The following ERCC2 variants were observed in gnomAD, a reference collection of about 807,000 sequenced individuals.
ERCC2 encodes the protein general transcription and DNA repair factor IIH helicase subunit XPD.
A neutral mutation model predicts 99.4 loss-of-function variants in ERCC2; 90 were observed. That is an observed-to-expected ratio of 0.91 (90% confidence interval 0.76 to 1.08). The LOEUF (loss-of-function observed/expected upper bound fraction) is 1.08. Among genes scored for constraint, ERCC2 ranks in the 50% least tolerant of loss-of-function variants. The probability of loss-of-function intolerance (pLI) is 0.00; values close to 1 mark genes in which losing one functional copy is unlikely to be tolerated. For synonymous variants in ERCC2, 497 were observed against 432.4 expected (o/e 1.15, Z -1.85); for missense variants, 993 against 1,038.1 (o/e 0.96, Z 0.60).
rs764283663 is a variant in ERCC2 at position 45,351,612 on chromosome 19, GGCCCCACCC to G, written c.*8_*16del. ...TCAGGAGTCACCAGGAACCGTTTAT[GGCCCCACCC>G]GCCCCACTCAGAGCTGCTGAGCAAT... On this transcript the variant is annotated 3_prime_UTR_variant, in exon 23 of 23. Transcript: ENST00000391945. The G allele has an allele frequency of 6.8e-6, 11 of 1,613,338 alleles. 1 individual carries two copies. In the South Asian group the frequency reaches 9.9e-5, roughly 14 times the overall value.
chr19:45,351,535 TTCA>T lies in ERCC2; in HGVS notation c.*91_*93del. The T allele has an allele frequency of 6.2e-7, 1 of 1,604,170 alleles. No individual in the cohort carries two copies. Among genetic ancestry groups the T allele is most frequent in the Admixed American group, 1.7e-5 (1 of 59,984 alleles). On this transcript the variant is annotated 3_prime_UTR_variant, in exon 23 of 23. Coordinates refer to ENST00000391945, the MANE Select transcript of ERCC2 (RefSeq NM_000400.4). ...GTGACAGTGAGAAATGTCACCTGAC[TTCA>T]TAAGACCTTCTAGCACCACCGCCGC...
chr19:45,352,385 G>A (rs1050631904), intron 21 of ERCC2, 33 bp from the exon 22 acceptor site: 9 of 1,613,714 alleles, frequency 5.6e-6, no homozygotes, highest in Admixed American at 5.0e-5. Flanking sequence ...GGGACAGAAG[G>A]TCATTCGGGG....
intron 5 of ERCC2, among the ~76,000 whole-genome samples, chr19:45,367,243 G>A (rs1972452255): frequency 6.6e-6 from 1 of 151,852 alleles, no homozygotes; most frequent in Admixed American, 6.6e-5. Flanking sequence ...GCTGAGGCAG[G>A]AGAATTGCTT....
rs1386154375 is a variant in ERCC2 at position 45,350,798 on chromosome 19, G to GCC, written c.*829_*830dup. The GCC allele has an allele frequency of 4.2e-6, 6 of 1,434,870 alleles. No homozygotes were observed. The highest frequency in any genetic ancestry group is 1.4e-5 in the African/African-American group (1 of 70,062). The allele number at this position is 1,434,870 out of a possible 1,614,324, so 88.9% of individuals were successfully genotyped here. ...AGCCCTGACATCAGCAGAATCCACA[G>GCC]CCCACCCCACCCCCACCCCCATCTT... On this transcript the variant is annotated 3_prime_UTR_variant, in exon 23 of 23. Transcript: ENST00000391945.
chr19:45,368,716 T>C lies in ERCC2; in HGVS notation c.274A>G (p.Asn92Asp). 6.2e-7 allele frequency: 1 copy of C among 1,613,864 alleles called. No individual in the cohort carries two copies. Among genetic ancestry groups the C allele is most frequent in the Non-Finnish European group, 8.5e-7 (1 of 1,179,868 alleles). ...TCGCCCTCCTGCTTCTCATAGAAGT[T>C]GAGCAACTTTCGAAGCTCTTCAATC... ...KVIEELRKLL[N>D]FYEKQEGEKL... Residue 92 changes from asparagine to aspartate, a missense_variant, in exon 5 of 23, where the codon AAC (asparagine) becomes GAC (aspartate). Physicochemically the swap from Asn to Asp is conservative, Grantham distance 23. This residue lies in a region of ERCC2 where 909 missense variants were observed against 930.8 expected (regional missense o/e 0.98). Coordinates refer to ENST00000391945, the MANE Select transcript of ERCC2 (RefSeq NM_000400.4).
chr19:45,353,710 T>G (rs1402106067), intron 17 of ERCC2, among the ~76,000 whole-genome samples: 4 of 152,180 alleles, frequency 2.6e-5, no homozygotes. Flanking sequence ...GACAGACCAC[T>G]GGGACAGAAT....
intron 11 of ERCC2, among the ~76,000 whole-genome samples, chr19:45,362,294 C>T (rs919160644): frequency 5.9e-5 from 9 of 152,158 alleles, no homozygotes; most frequent in East Asian, 5.8e-4. Context: ...GCATTAATCC[C>T]GCATGGCCAC....
At chr19:45,358,129 T>A (rs571274013) in intron 12 of ERCC2, 47 of 272,946 alleles carry the variant, frequency 1.7e-4, no homozygotes, top group Admixed American at 1.2e-3. Flanking sequence ...CACTGCAAGC[T>A]CAGCCTCCTG....
chr19:45,353,497 G>A (rs1207161043), intron 17 of ERCC2, among the ~76,000 whole-genome samples, 163 bp from the exon 18 acceptor site: 1 of 152,142 alleles, frequency 6.6e-6, no homozygotes, highest in Non-Finnish European at 1.5e-5. Context: ...GTTCTTTGGG[G>A]AAACAGTGAT....
At position 45,357,489 on chromosome 19, in the gene ERCC2, G is replaced by C. The variant is rs1232499359; in HGVS notation, c.1362C>G (p.Val454=). The C allele has an allele frequency of 6.2e-7, 1 of 1,614,146 alleles. No homozygotes were observed. Among genetic ancestry groups the C allele is most frequent in the Non-Finnish European group, 8.5e-7 (1 of 1,179,982 alleles). The stretch of plus-strand genomic sequence containing the variant: ...GGGTCCTTACCCCAGATGTGATGAT[G>C]ACAGACTGGAAACGCTCAAATACGG... The part of the protein sequence containing the change: ...IKPVFERFQS[V]IITSGTLSPL... The change falls in exon 14 of 23, where the codon GTC becomes GTG. Residue 454 remains valine (V), a synonymous_variant. Transcript: ENST00000391945.
In ERCC2 at chr19:45,363,925, C is replaced by A. The variant is rs1285946252; in HGVS notation, c.950-14G>T. ...CAGGCACTGCCTCTGCGAGGAGACG[C>A]TATCAGCGGCGACGGGGAGGCGGGA... On this transcript the variant is annotated splice_polypyrimidine_tract_variant and intron_variant, in intron 10 of 22. Coordinates refer to ENST00000391945, the MANE Select transcript of ERCC2 (RefSeq NM_000400.4). 1.3e-6 allele frequency: 2 copies of A among 1,539,174 alleles called. No homozygotes were observed. The highest frequency in any genetic ancestry group is 1.9e-5 in the Admixed American group (1 of 51,336).
intron 22 of ERCC2, 137 bp from the exon 23 acceptor site, chr19:45,351,858 C>A: frequency 1.3e-6 from 1 of 762,454 alleles, no homozygotes. Flanking sequence ...TCCGTATAAT[C>A]CAGAGCGGGC....
chr19:45,364,858 A>G lies in ERCC2; in HGVS notation c.574T>C (p.Tyr192His). ...ALGRRQGWCP[Y>H]FLARYSILHA... The stretch of plus-strand genomic sequence containing the variant: ...CTCACTGAGTATCGAGCAAGGAAGT[A>G]TGGGCACCAGCCCTGGCGCCGCCCC... The change falls in exon 7 of 23, where the codon TAC becomes CAC. Residue 192 changes from tyrosine (Y) to histidine (H), a missense_variant. Physicochemically the swap from Tyr to His is moderately conservative, Grantham distance 83. This residue lies in a region of ERCC2 where 909 missense variants were observed against 930.8 expected (regional missense o/e 0.98). Transcript: ENST00000391945. The G allele has an allele frequency of 1.2e-6, 2 of 1,613,350 alleles. No individual in the cohort carries two copies. Among genetic ancestry groups the G allele is most frequent in the Non-Finnish European group, 1.7e-6 (2 of 1,179,342 alleles).
chr19:45,358,550 C>T (rs1972094422), intron 12 of ERCC2: 1 of 416,676 alleles, frequency 2.4e-6, no homozygotes, highest in Admixed American at 3.7e-5. Context: ...CCCATGGCCC[C>T]CACATGCCTC....
In ERCC2 at chr19:45,352,757, G is replaced by C. The variant is rs144511865; in HGVS notation, c.1891C>G (p.Arg631Gly). The C allele has an allele frequency of 3.1e-6, 5 of 1,613,944 alleles. No homozygotes were observed. The highest frequency in any genetic ancestry group is 3.4e-6 in the Non-Finnish European group (4 of 1,179,920). Residue 631 changes from arginine to glycine, a missense_variant, in exon 20 of 23, where the codon CGC becomes GGC. Around this residue, in one of 3 missense-constraint regions of ERCC2, gnomAD observed 909 missense variants for 930.8 expected, o/e 0.98. Transcript: ENST00000391945. Reference sequence around the variant, plus strand: ...ACAGAGCTACTCACCTTGAGAATGCGGCTCTGTGTGTAGACGTAGGGGACG... The same window carrying C: ...ACAGAGCTACTCACCTTGAGAATGCCGCTCTGTGTGTAGACGTAGGGGACG... ...FGVPYVYTQS[R>G]ILKARLEYLR...
At chr19:45,363,648 T>A in intron 11 of ERCC2, 95 bp downstream of exon 11, 9 of 1,343,510 alleles carry the variant, frequency 6.7e-6, no homozygotes, top group Non-Finnish European at 9.0e-6. Context: ...CTCCTGATGC[T>A]GCAGTGGTGA....
At chr19:45,354,037 C>T (rs540271808) in intron 17 of ERCC2, among the ~76,000 whole-genome samples, 3 of 152,172 alleles carry the variant, frequency 2.0e-5, no homozygotes, top group Non-Finnish European at 4.4e-5. Flanking sequence ...AGCACAAGGC[C>T]GATGTCCTGG....
chr19:45,353,379 C>T, intron 17 of ERCC2, 45 bp from the exon 18 acceptor site: 2 of 1,373,862 alleles, frequency 1.5e-6, no homozygotes, highest in Non-Finnish European at 2.1e-6. Context: ...AGGGCACAGC[C>T]ATCCTGGTTA....
At position 45,350,774 on chromosome 19, in the gene ERCC2, G is replaced by A. The variant is rs753426669; in HGVS notation, c.*855C>T. On this transcript the variant is annotated 3_prime_UTR_variant, in exon 23 of 23. Transcript: ENST00000391945. ...TGAGTGTTGATCAGGTCGGCAAAGA[G>A]CCCTGACATCAGCAGAATCCACAGC... 3 of 1,586,928 alleles carry A rather than the reference G, an allele frequency of 1.9e-6. No individual in the cohort carries two copies. Among genetic ancestry groups the A allele is most frequent in the Non-Finnish European group, 2.6e-6 (3 of 1,164,212 alleles).
Sources: allele counts gnomAD v4.1 joint callset (sites outside exome capture counted in the v4.1 genomes callset), GRCh38; gene constraint gnomAD v4.1.1; regional missense constraint gnomAD v4.1.1; transcripts MANE v1.5; gene names NCBI Gene and HGNC (gene_info 2026-07-23, HGNC 2026-07-21).